Variants in CYRIA observed in about 807,000 individuals in gnomAD.
The protein encoded by CYRIA is CYFIP related Rac1 interactor A.
Under a neutral mutation model 43.9 loss-of-function variants are expected in CYRIA, and 15 were observed. The observed-to-expected ratio is 0.34, with a 90% CI of 0.23 to 0.53. The LOEUF is 0.53. Ranked by LOEUF, CYRIA falls within the 20% of genes least tolerant of loss-of-function variation. The pLI is 0.94. For synonymous variants in CYRIA, 117 were observed against 136.0 expected (o/e 0.86, Z 0.97); for missense variants, 236 against 394.2 (o/e 0.60, Z 3.40).
rs79988370 is a variant in CYRIA at position 16,606,414 on chromosome 2, C to T, written c.-11+17450G>A. On this transcript the variant is annotated intron_variant, in intron 2 of 11. Transcript: ENST00000381323. The stretch of plus-strand genomic sequence containing the variant: ...TCTCCAGTCTCTCTCTCTCCTCCTC[C>T]CACTCTTATATTGGATACTTGAGAC... 7.6e-3 allele frequency among the ~76,000 whole-genome samples: 1,160 copies of T among 151,976 alleles called. 34 individuals are homozygous for T. In the East Asian group the frequency reaches 0.11, roughly 15 times the overall value.
chr2:16,621,555 A>G (rs982167329), intron 2 of CYRIA, among the ~76,000 whole-genome samples: 13 of 152,228 alleles, frequency 8.5e-5, no homozygotes, highest in Middle Eastern at 3.4e-3. Context: ...GAACATAAAC[A>G]CCCAAGTCCT....
chr2:16,657,523 G>A lies in CYRIA; in HGVS notation c.-167+8257C>T, dbSNP rs111617621. The stretch of plus-strand genomic sequence containing the variant: ...GTTGTTTTGTTTTTGTGCCAAGCAT[G>A]GTCATTTAATTCAGTTAATTGAGAA... On this transcript the variant is annotated intron_variant, in intron 1 of 11. Coordinates refer to ENST00000381323, the MANE Select transcript of CYRIA (RefSeq NM_030797.4). 6.0e-5 allele frequency among the ~76,000 whole-genome samples: 9 copies of A among 149,946 alleles called. No homozygotes were observed. In the East Asian group the frequency reaches 1.8e-3, roughly 29 times the overall value.
At position 16,555,092 on chromosome 2, in the gene CYRIA, C is replaced by A; in HGVS notation, c.885G>T (p.Val295=). 6.2e-7 allele frequency: 1 copy of A among 1,613,388 alleles called. No individual in the cohort carries two copies. Among genetic ancestry groups the A allele is most frequent in the Non-Finnish European group, 8.5e-7 (1 of 1,179,636 alleles). ...ACCTGAGGGCATTTAGCAGCCCCTC[C>A]ACACTGTCTGGGGCCTGCTCCTTCA... is the stretch of plus-strand genomic sequence containing the variant. ...KVLKEQAPDS[V]EGLLNALRFT... Residue 295 remains valine (V), a synonymous_variant, in exon 11 of 12, where the codon GTG becomes GTT. Coordinates refer to ENST00000381323, the MANE Select transcript of CYRIA (RefSeq NM_030797.4).
intron 2 of CYRIA, among the ~76,000 whole-genome samples, chr2:16,592,849 G>C (rs182013815): frequency 4.6e-5 from 7 of 152,108 alleles, no homozygotes; most frequent in African/African-American, 7.2e-5. Flanking sequence ...TAACCTGTTT[G>C]TATTTTCTGA....
intron 3 of CYRIA, among the ~76,000 whole-genome samples, chr2:16,581,907 C>T (rs1037468780): frequency 6.6e-6 from 1 of 152,090 alleles, no homozygotes; most frequent in African/African-American, 2.4e-5. Flanking sequence ...GGCTGGATGT[C>T]AAAAACATTA....
intron 1 of CYRIA, among the ~76,000 whole-genome samples, chr2:16,660,038 GCC>G (rs1670207155): frequency 6.6e-6 from 1 of 152,010 alleles, no homozygotes. Flanking sequence ...AGGGCTTCTC[GCC>G]TCCTTGAGAG....
chr2:16,588,482 T>C (rs73211554), intron 2 of CYRIA, among the ~76,000 whole-genome samples: 5,096 of 152,062 alleles, frequency 0.034, 268 homozygotes, highest in African/African-American at 0.099. Flanking sequence ...GTATTTTCAT[T>C]ATAGGAGACA....
At chr2:16,635,422 T>C (rs1669465872) in intron 1 of CYRIA, among the ~76,000 whole-genome samples, 1 of 152,178 alleles carries the variant, frequency 6.6e-6, no homozygotes, top group Non-Finnish European at 1.5e-5. Flanking sequence ...ATGCTACAGG[T>C]TTACAATGCA....
At chr2:16,591,853 G>A (rs187463017) in intron 2 of CYRIA, among the ~76,000 whole-genome samples, 1 of 152,010 alleles carries the variant, frequency 6.6e-6, no homozygotes, top group African/African-American at 2.4e-5. Flanking sequence ...TAAAGTTTAG[G>A]CTTACTTTAG....
intron 2 of CYRIA, among the ~76,000 whole-genome samples, chr2:16,619,205 C>T (rs1289507505): frequency 2.0e-5 from 3 of 152,142 alleles, no homozygotes; most frequent in African/African-American, 7.2e-5. Flanking sequence ...ATCTTGCAGC[C>T]AGCAGGGGTG....
intron 1 of CYRIA, among the ~76,000 whole-genome samples, chr2:16,651,281 C>T (rs566207793): frequency 7.2e-5 from 11 of 152,346 alleles, no homozygotes; most frequent in African/African-American, 1.9e-4. Flanking sequence ...AGCAACAATC[C>T]TGGCCTTTGC....
intron 1 of CYRIA, among the ~76,000 whole-genome samples, chr2:16,638,092 A>T (rs923557445): frequency 1.3e-5 from 2 of 152,214 alleles, no homozygotes; most frequent in Admixed American, 6.5e-5. Context: ...ACACCTGAAT[A>T]GCACACAGTT....
chr2:16,581,245 T>C (rs1289071837), intron 3 of CYRIA, among the ~76,000 whole-genome samples: 1 of 152,148 alleles, frequency 6.6e-6, no homozygotes, highest in Non-Finnish European at 1.5e-5. Flanking sequence ...TCCTACAATT[T>C]ACCAATACAA....
Position 16,639,226 on chromosome 2 carries a change from C to T in CYRIA, c.-166-15207G>A, listed in dbSNP as rs763346946. On this transcript the variant is annotated intron_variant, in intron 1 of 11. Coordinates refer to ENST00000381323, the MANE Select transcript of CYRIA (RefSeq NM_030797.4). Reference sequence around the variant, plus strand: ...GCTAACTTTCTGATCCATCCAATAGCGGTAAGGAAGCAAAATACCAAGACC... The same window carrying T: ...GCTAACTTTCTGATCCATCCAATAGTGGTAAGGAAGCAAAATACCAAGACC... Among the ~76,000 whole-genome samples, 16 of 152,294 alleles carry T rather than the reference C, an allele frequency of 1.1e-4. No individual in the cohort carries two copies. The East Asian group carries it at 1.2e-3, about 11-fold the overall frequency.
intron 10 of CYRIA, among the ~76,000 whole-genome samples, chr2:16,557,646 C>T (rs1392294943): frequency 2.0e-5 from 3 of 152,166 alleles, no homozygotes; most frequent in Non-Finnish European, 2.9e-5. Context: ...TTACGTAGTG[C>T]TTTTGACCTC....
intron 3 of CYRIA, among the ~76,000 whole-genome samples, chr2:16,566,491 G>A (rs1171538820): frequency 6.6e-6 from 1 of 152,146 alleles, no homozygotes; most frequent in African/African-American, 2.4e-5. Context: ...CTGAACACAT[G>A]GGTATGTAGA....
At chr2:16,554,688 A>G (rs1158930953) in intron 11 of CYRIA, among the ~76,000 whole-genome samples, 1 of 152,188 alleles carries the variant, frequency 6.6e-6, no homozygotes, top group Non-Finnish European at 1.5e-5. Context: ...AAGTGCAGCC[A>G]GGTTTGGGAA....
At chr2:16,594,041 T>TA (rs1447637911) in intron 2 of CYRIA, among the ~76,000 whole-genome samples, 1 of 59,774 alleles carries the variant, frequency 1.7e-5, no homozygotes, top group Non-Finnish European at 3.0e-5. Flanking sequence ...TCCATGTCCC[T>TA]ACAAAGGATA....
intron 1 of CYRIA, among the ~76,000 whole-genome samples, chr2:16,658,361 A>G (rs1670168925): frequency 6.6e-6 from 1 of 152,228 alleles, no homozygotes; most frequent in Non-Finnish European, 1.5e-5. Context: ...AACTTTACAA[A>G]CAAATTTTAT....
Sources: gnomAD v4.1 joint callset for allele counts (sites outside exome capture counted in the v4.1 genomes callset) on GRCh38, gnomAD v4.1.1 for gene constraint, MANE v1.5 for transcripts, NCBI Gene and HGNC (gene_info 2026-07-23, HGNC 2026-07-21) for gene names.